Variants in SYN2 observed in about 807,000 individuals in gnomAD.
The protein encoded by SYN2 is synapsin II, also known as synapsin-2.
In SYN2, 19 loss-of-function variants were observed where a neutral mutation model predicts 50.9. That is an observed-to-expected ratio of 0.37 (90% CI 0.26 to 0.55). SYN2 has a LOEUF of 0.55. Among genes scored for constraint, SYN2 ranks in the 20% least tolerant of loss-of-function variants. SYN2 has a pLI of 0.81. For synonymous variants in SYN2, 255 were observed against 224.9 expected, an observed-to-expected ratio of 1.13 and a Z score of -1.20; for missense variants, 587 against 576.4, an observed-to-expected ratio of 1.02 and a Z score of -0.19.
chr3:12,190,665 GC>G lies in SYN2; in HGVS notation c.*41del, dbSNP rs769515615. ...GGGGCACCCAGCCCAACCGGGAAAGGCATCTAAGACATTCACCAACAACAGT... is the reference window on the plus strand; with the variant it reads ...GGGGCACCCAGCCCAACCGGGAAAGGATCTAAGACATTCACCAACAACAGT... On this transcript the variant is annotated 3_prime_UTR_variant, in exon 13 of 13. Coordinates refer to ENST00000621198, the MANE Select transcript of SYN2 (RefSeq NM_133625.6). 1 of 1,602,296 alleles carries G rather than the reference GC, an allele frequency of 6.2e-7. No individual in the cohort carries two copies.
chr3:12,075,325 A>G (rs1450158763), intron 1 of SYN2, among the ~76,000 whole-genome samples: 14 of 152,198 alleles, frequency 9.2e-5, no homozygotes, highest in Admixed American at 9.2e-4. Context: ...CATTTTCTCC[A>G]AAGAAATAGA....
intron 1 of SYN2, among the ~76,000 whole-genome samples, chr3:12,111,856 A>G (rs1696323689): frequency 1.3e-5 from 2 of 152,160 alleles, no homozygotes; most frequent in African/African-American, 4.8e-5. Flanking sequence ...TGGCTAGTGT[A>G]GTGTGATGTA....
intron 1 of SYN2, among the ~76,000 whole-genome samples, chr3:12,054,261 A>C (rs559446129): frequency 6.6e-6 from 1 of 152,242 alleles, no homozygotes; most frequent in East Asian, 1.9e-4. Flanking sequence ...ACTGGTTAAA[A>C]ATTGCCCATG....
chr3:12,171,021 C>T (rs986555147), intron 10 of SYN2, among the ~76,000 whole-genome samples: 1 of 152,192 alleles, frequency 6.6e-6, no homozygotes, highest in Non-Finnish European at 1.5e-5. Flanking sequence ...GAGTAGAATA[C>T]TTCCGTCTTC....
chr3:12,069,547 G>A (rs554119413), intron 1 of SYN2, among the ~76,000 whole-genome samples: 23 of 152,034 alleles, frequency 1.5e-4, no homozygotes, highest in African/African-American at 4.8e-4. Context: ...GCGCCCGGCC[G>A]TGGACACATG....
chr3:12,094,941 A>T (rs774918583), intron 1 of SYN2, among the ~76,000 whole-genome samples: 14 of 152,180 alleles, frequency 9.2e-5, no homozygotes, highest in Non-Finnish European at 2.1e-4. Flanking sequence ...TGGAGCTCAG[A>T]GGAGAGATCT....
chr3:12,077,308 T>A (rs35381451), intron 1 of SYN2, among the ~76,000 whole-genome samples: 28,418 of 151,342 alleles, frequency 0.19, 2,842 homozygotes, highest in East Asian at 0.32. Context: ...CCTTTTTTTT[T>A]AAAAAAAAAT....
chr3:12,030,469 G>C (rs1426836209), intron 1 of SYN2, among the ~76,000 whole-genome samples: 2 of 147,168 alleles, frequency 1.4e-5, no homozygotes, highest in Non-Finnish European at 3.0e-5. Context: ...GTTCCTCCTT[G>C]TACCTCTGGT....
At chr3:12,044,181 T>TCTCTCTCTCTCACA (rs573246278) in intron 1 of SYN2, among the ~76,000 whole-genome samples, 768 of 53,256 alleles carry the variant, frequency 0.014, 10 homozygotes, top group African/African-American at 0.034. Context: ...TCTCTCTCTC[T>TCTCTCTCTCTCACA]CACACACACA....
chr3:12,080,976 G>A (rs1243745698), intron 1 of SYN2, among the ~76,000 whole-genome samples: 4 of 152,042 alleles, frequency 2.6e-5, no homozygotes, highest in Non-Finnish European at 4.4e-5. Flanking sequence ...TGATAGTTCA[G>A]AAAAAAATAT....
chr3:12,124,964 T>C (rs1696637003), intron 1 of SYN2, among the ~76,000 whole-genome samples: 1 of 152,054 alleles, frequency 6.6e-6, no homozygotes, highest in South Asian at 2.1e-4. Flanking sequence ...TAAATATAGC[T>C]GTATGACAAA....
rs745593579 is a variant in SYN2, at chr3:12,161,614, G to A, written c.837+6G>A. ...CTCACTCAGGCATGGGCAAGGTGAGGCAGAGAGGCCTGCTGTGCTTCAGGG... is the reference window on the plus strand; with the variant it reads ...CTCACTCAGGCATGGGCAAGGTGAGACAGAGAGGCCTGCTGTGCTTCAGGG... On this transcript the variant is annotated splice_donor_region_variant and intron_variant, in intron 6 of 12. Transcript: ENST00000621198. The A allele has an allele frequency of 3.1e-6, 5 of 1,613,906 alleles. No individual in the cohort carries two copies. The highest frequency in any genetic ancestry group is 3.3e-5 in the Admixed American group (2 of 60,010).
chr3:12,143,558 A>G (rs1697077925), intron 3 of SYN2, among the ~76,000 whole-genome samples: 1 of 151,858 alleles, frequency 6.6e-6, no homozygotes, highest in Non-Finnish European at 1.5e-5. Context: ...TCTGTTTCTG[A>G]GTTACTTCAG....
At chr3:12,071,415 A>G in intron 1 of SYN2, 1 of 536,286 alleles carries the variant, frequency 1.9e-6, no homozygotes, top group South Asian at 1.4e-5. Context: ...ATTCAGAAGT[A>G]TAAATTGCCC....
intron 1 of SYN2, among the ~76,000 whole-genome samples, chr3:12,085,352 T>TACAC (rs55795895): frequency 2.0e-5 from 3 of 149,266 alleles, no homozygotes; most frequent in Admixed American, 1.3e-4. Flanking sequence ...TGTTATGGAA[T>TACAC]ACACACACAC....
chr3:12,104,938 G>A (rs970798996), intron 1 of SYN2, among the ~76,000 whole-genome samples: 1 of 152,152 alleles, frequency 6.6e-6, no homozygotes, highest in African/African-American at 2.4e-5. Flanking sequence ...GTGATTAGAT[G>A]AGCATTAACT....
intron 1 of SYN2, among the ~76,000 whole-genome samples, chr3:12,027,405 AT>A (rs1266682176): frequency 6.6e-6 from 1 of 152,176 alleles, no homozygotes; most frequent in Non-Finnish European, 1.5e-5. Context: ...CATATGAAAG[AT>A]GTCGTACCCA....
intron 1 of SYN2, among the ~76,000 whole-genome samples, chr3:12,104,563 T>G (rs1696140409): frequency 1.8e-5 from 2 of 108,268 alleles, no homozygotes; most frequent in African/African-American, 7.4e-5. Flanking sequence ...CATTTTTCTT[T>G]TCTTTTCTTT....
At chr3:12,160,968 G>A (rs766303479) in intron 5 of SYN2, among the ~76,000 whole-genome samples, 1 of 152,166 alleles carries the variant, frequency 6.6e-6, no homozygotes, top group Non-Finnish European at 1.5e-5. Context: ...CAAACCCCAA[G>A]CTGGGAAGAA....
Sources: gnomAD v4.1 joint callset for allele counts (sites outside exome capture counted in the v4.1 genomes callset) on GRCh38, gnomAD v4.1.1 for gene constraint, MANE v1.5 for transcripts, NCBI Gene and HGNC (gene_info 2026-07-23, HGNC 2026-07-21) for gene names.